The following POT1 variants were observed in gnomAD, a reference collection of about 807,000 sequenced individuals.
POT1 encodes protection of telomeres protein 1.
Under a neutral mutation model 78.5 loss-of-function variants are expected in POT1, and 47 were observed. The ratio of observed to expected loss-of-function variants is 0.60; its 90% CI spans 0.47 to 0.76. The LOEUF (loss-of-function observed/expected upper bound fraction) is 0.76. Ranked by LOEUF, POT1 falls within the 30% of genes least tolerant of loss-of-function variation. The probability of loss-of-function intolerance (pLI) is 0.00; values close to 1 mark genes in which losing one functional copy is unlikely to be tolerated. For missense variants in POT1, 646 were observed against 749.9 expected (o/e 0.86, Z 1.62); for synonymous variants, 259 against 260.7 (o/e 0.99, Z 0.06).
intron 3 of POT1, among the ~76,000 whole-genome samples, chr7:124,908,796 G>T (rs1259823033): frequency 1.3e-5 from 2 of 151,698 alleles, no homozygotes; most frequent in Non-Finnish European, 2.9e-5. Flanking sequence ...AATAATCAAA[G>T]ATATTAACAT....
chr7:124,923,723 T>C (rs1797206229), intron 2 of POT1, among the ~76,000 whole-genome samples: 1 of 151,376 alleles, frequency 6.6e-6, no homozygotes, highest in Non-Finnish European at 1.5e-5. Context: ...ATCATACACA[T>C]TATATTCAGA....
intron 16 of POT1, chr7:124,828,909 A>C (rs1377173687): frequency 1.8e-6 from 1 of 556,776 alleles, no homozygotes; most frequent in East Asian, 4.7e-5. Flanking sequence ...GTAAATAATA[A>C]TTTCACTCTA....
intron 6 of POT1, among the ~76,000 whole-genome samples, chr7:124,883,760 G>A (rs966737838): frequency 1.3e-5 from 2 of 151,728 alleles, no homozygotes. Flanking sequence ...CATCACATGT[G>A]TATGACTGCA....
At chr7:124,891,749 T>A (rs1048146773) in intron 6 of POT1, among the ~76,000 whole-genome samples, 1 of 151,464 alleles carries the variant, frequency 6.6e-6, no homozygotes, top group African/African-American at 2.4e-5. Context: ...AGCAATCTAC[T>A]TTAACCTGAC....
intron 15 of POT1, among the ~76,000 whole-genome samples, chr7:124,831,801 A>G (rs1292363727): frequency 1.3e-5 from 2 of 152,058 alleles, no homozygotes; most frequent in Non-Finnish European, 2.9e-5. Context: ...GCATAGTACG[A>G]AACAGTTTAT....
At chr7:124,844,530 A>G (rs1226981134) in intron 12 of POT1, among the ~76,000 whole-genome samples, 1 of 150,154 alleles carries the variant, frequency 6.7e-6, no homozygotes, top group African/African-American at 2.4e-5. Flanking sequence ...AGGTCAAGAG[A>G]GCGAGACCAT....
intron 6 of POT1, among the ~76,000 whole-genome samples, chr7:124,872,905 G>C (rs1795905048): frequency 6.6e-6 from 1 of 152,162 alleles, no homozygotes; most frequent in Non-Finnish European, 1.5e-5. Flanking sequence ...GGTGTGAAGT[G>C]ATATCTTGTT....
intron 3 of POT1, among the ~76,000 whole-genome samples, chr7:124,913,301 A>G (rs1377982028): frequency 6.6e-6 from 1 of 151,948 alleles, no homozygotes; most frequent in African/African-American, 2.4e-5. Context: ...AAATCAAATC[A>G]CCTATTTTTT....
intron 2 of POT1, among the ~76,000 whole-genome samples, chr7:124,921,753 A>C (rs1299456315): frequency 6.6e-6 from 1 of 152,138 alleles, no homozygotes; most frequent in Non-Finnish European, 1.5e-5. Context: ...CAATAAAATA[A>C]AGGAGAAAGG....
chr7:124,825,480 G>A, intron 17 of POT1, 123 bp from the exon 18 acceptor site: 1 of 551,254 alleles, frequency 1.8e-6, no homozygotes, highest in Non-Finnish European at 3.0e-6. Flanking sequence ...CCTCTATCAA[G>A]ATTGTAGAAT....
At chr7:124,883,968 GT>G (rs1473259230) in intron 6 of POT1, among the ~76,000 whole-genome samples, 3 of 151,684 alleles carry the variant, frequency 2.0e-5, no homozygotes, top group Non-Finnish European at 4.4e-5. Flanking sequence ...ATATCAATAT[GT>G]GTATCAATAA....
intron 9 of POT1, among the ~76,000 whole-genome samples, chr7:124,855,182 C>A (rs547144794): frequency 6.8e-5 from 7 of 102,574 alleles, no homozygotes; most frequent in South Asian, 6.2e-4. Context: ...CATAGGTATA[C>A]GTACAAACCT....
chr7:124,863,289 A>G, intron 8 of POT1, 61 bp downstream of exon 8: 1 of 1,464,712 alleles, frequency 6.8e-7, no homozygotes, highest in Non-Finnish European at 9.3e-7. Flanking sequence ...CTGAAACATA[A>G]GCTCTTTACA....
At position 124,825,466 on chromosome 7, in the gene POT1, T is replaced by C. The variant is rs1230996035; in HGVS notation, c.1687-109A>G. The C allele has an allele frequency of 1.4e-4, 85 of 610,698 alleles. 1 individual carries two copies. Among genetic ancestry groups the C allele is most frequent in the Non-Finnish European group, 2.0e-4 (77 of 380,276 alleles). The allele number at this position is 610,698 out of a possible 1,614,324, so 37.8% of individuals were successfully genotyped here. A position where few individuals can be genotyped will look rare whatever the true frequency, so the allele number is the denominator to read the frequency against. ...TCCAATTAAAAGATAATCTAGACAG[T>C]TTCCCTCTATCAAGATTGTAGAATT... On this transcript the variant is annotated intron_variant, in intron 17 of 18. Transcript: ENST00000357628.
intron 8 of POT1, among the ~76,000 whole-genome samples, chr7:124,861,176 C>T (rs865956717): frequency 5.3e-5 from 8 of 152,276 alleles, no homozygotes; most frequent in Middle Eastern, 6.8e-3. Context: ...CTTCAGGAAT[C>T]GCCACACTGT....
intron 14 of POT1, among the ~76,000 whole-genome samples, chr7:124,838,508 G>A (rs190793797): frequency 1.3e-5 from 2 of 152,026 alleles, no homozygotes; most frequent in African/African-American, 4.8e-5. Flanking sequence ...CCTAGTTAAA[G>A]GGATCTAAGA....
chr7:124,843,041 C>G (rs1795068962), intron 12 of POT1, 78 bp from the exon 13 acceptor site: 1 of 968,500 alleles, frequency 1.0e-6, no homozygotes, highest in Non-Finnish European at 1.5e-6. Context: ...CAAATATATA[C>G]TATAAAATCT....
chr7:124,832,872 A>G (rs1794802910), intron 15 of POT1, among the ~76,000 whole-genome samples: 1 of 151,474 alleles, frequency 6.6e-6, no homozygotes, highest in African/African-American at 2.4e-5. Context: ...TGAGACTTCT[A>G]GTAAAAGAAG....
At chr7:124,859,165 C>T in intron 8 of POT1, 53 bp from the exon 9 acceptor site, 1 of 1,388,514 alleles carries the variant, frequency 7.2e-7, no homozygotes, top group Non-Finnish European at 9.5e-7. Flanking sequence ...AATGCTTGTG[C>T]TAAAAAGTTT....
Sources: allele counts gnomAD v4.1 joint callset (sites outside exome capture counted in the v4.1 genomes callset), GRCh38; gene constraint gnomAD v4.1.1; transcripts MANE v1.5; gene names NCBI Gene and HGNC (gene_info 2026-07-23, HGNC 2026-07-21).